Variants in INPP5A observed in about 807,000 individuals in gnomAD.
The protein encoded by INPP5A is 43 kDa inositol polyphosphate 5-phophatase.
Under a neutral mutation model 65.2 loss-of-function variants are expected in INPP5A, and 14 were observed. The observed-to-expected ratio is 0.21, with a 90% CI of 0.14 to 0.34. INPP5A has a LOEUF of 0.34. Ranked by LOEUF, INPP5A falls within the 10% of genes least tolerant of loss-of-function variation. The probability of loss-of-function intolerance (pLI) is 1.00; values close to 1 mark genes in which losing one functional copy is unlikely to be tolerated. For synonymous variants in INPP5A, 207 were observed against 208.3 expected (o/e 0.99, Z 0.05); for missense variants, 431 against 545.6 (o/e 0.79, Z 2.09).
chr10:132,540,242 G>A (rs796871131), intron 1 of INPP5A, among the ~76,000 whole-genome samples: 6 of 152,284 alleles, frequency 3.9e-5, no homozygotes, highest in African/African-American at 1.4e-4. Flanking sequence ...CTGAGTTCTA[G>A]CATTTTTGTT....
Position 132,744,797 on chromosome 10 carries a change from T to C in INPP5A, c.733-4720T>C, listed in dbSNP as rs1846339359. On this transcript the variant is annotated intron_variant, in intron 9 of 15. Transcript: ENST00000368594. ...TCCCAGGCTTCATGAGGCCGGGCTGTCCCTGAGCCTGAGGCGACCTGCAGG... is the reference window on the plus strand; with the variant it reads ...TCCCAGGCTTCATGAGGCCGGGCTGCCCCTGAGCCTGAGGCGACCTGCAGG... Among the ~76,000 whole-genome samples, 3 of 152,220 alleles carry C rather than the reference T, an allele frequency of 2.0e-5. No individual in the cohort carries two copies. The South Asian group carries it at 6.2e-4, about 31-fold the overall frequency.
chr10:132,664,175 G>A (rs1046639675), intron 4 of INPP5A, among the ~76,000 whole-genome samples: 1 of 152,214 alleles, frequency 6.6e-6, no homozygotes. Flanking sequence ...CCGGAGCCCC[G>A]TGAGCTGCTC....
At chr10:132,716,462 G>A (rs1037827920) in intron 8 of INPP5A, among the ~76,000 whole-genome samples, 2 of 152,218 alleles carry the variant, frequency 1.3e-5, no homozygotes, top group African/African-American at 2.4e-5. Flanking sequence ...GGAGTCTGCC[G>A]GACGTCTCCA....
intron 2 of INPP5A, among the ~76,000 whole-genome samples, chr10:132,626,801 T>G (rs1193309260): frequency 3.9e-5 from 6 of 152,206 alleles, no homozygotes; most frequent in African/African-American, 1.4e-4. Flanking sequence ...GTGGCGACTG[T>G]GGGAGGCCCC....
chr10:132,774,882 GGC>G (rs1210782720), intron 12 of INPP5A, among the ~76,000 whole-genome samples: 1 of 59,250 alleles, frequency 1.7e-5, no homozygotes, highest in African/African-American at 5.5e-5. Flanking sequence ...AGGGAGGAGA[GGC>G]AGGGAGGAGG....
intron 12 of INPP5A, among the ~76,000 whole-genome samples, chr10:132,771,210 G>A (rs956981245): frequency 2.6e-5 from 4 of 152,122 alleles, no homozygotes; most frequent in African/African-American, 2.4e-5. Context: ...CATCCCTCTG[G>A]GCAGAGGACT....
At position 132,575,474 on chromosome 10, in the gene INPP5A, T is replaced by C. The variant is rs560130141; in HGVS notation, c.76-32441T>C. On this transcript the variant is annotated intron_variant, in intron 1 of 15. Coordinates refer to ENST00000368594, the MANE Select transcript of INPP5A (RefSeq NM_005539.5). This position sits in a 1 kb window ranked among gnomAD's most constrained non-coding sequence, Gnocchi z 5.4. ...TCACTGTCAGTCTGGTTAAACATCA[T>C]AAAATTAGTAACCAAACCGATCTAA... 3.4e-4 allele frequency among the ~76,000 whole-genome samples: 51 copies of C among 152,210 alleles called. No homozygotes were observed. The highest frequency in any genetic ancestry group is 1.1e-3 in the African/African-American group (45 of 41,526).
rs1846527532 is a variant in INPP5A at position 132,753,140 on chromosome 10, A to C, written c.903+3295A>C. ...ACGACGGCACCTTCGGGAACGCCCC[A>C]TGGGTTCCTGCTGACCCGGGTGCCC... On this transcript the variant is annotated intron_variant, in intron 11 of 15. Transcript: ENST00000368594. The surrounding 1 kb of genome is among the most constrained non-coding windows in gnomAD (Gnocchi z 5.3). Among the ~76,000 whole-genome samples, 1 of 152,104 alleles carries C rather than the reference A, an allele frequency of 6.6e-6. No individual in the cohort carries two copies. The highest frequency in any genetic ancestry group is 1.5e-5 in the Non-Finnish European group (1 of 68,014).
Position 132,753,947 on chromosome 10 carries a change from G to C in INPP5A, c.903+4102G>C, listed in dbSNP as rs763997487. 2 of 152,244 alleles carry C rather than the reference G, an allele frequency of 1.3e-5. No homozygotes were observed. The highest frequency in any genetic ancestry group is 2.9e-5 in the Non-Finnish European group (2 of 68,044). The allele number at this position is 152,244 out of a possible 1,614,324, so 9.4% of individuals were successfully genotyped here. A position where few individuals can be genotyped will look rare whatever the true frequency, so the allele number is the denominator to read the frequency against. On this transcript the variant is annotated intron_variant, in intron 11 of 15. Transcript: ENST00000368594. This position sits in a 1 kb window ranked among gnomAD's most constrained non-coding sequence, Gnocchi z 5.3. ...GTGATCATGTTTGTGAAAAATCTCA[G>C]AGAGATACAAATTATCAATTCAACA...
intron 2 of INPP5A, among the ~76,000 whole-genome samples, chr10:132,612,313 A>C (rs1047679004): frequency 2.0e-5 from 3 of 152,116 alleles, no homozygotes; most frequent in Non-Finnish European, 4.4e-5. Context: ...TTCATGGGAC[A>C]GCTCCTGTCA....
At chr10:132,723,389 A>G (rs1415170778) in intron 8 of INPP5A, among the ~76,000 whole-genome samples, 3 of 152,152 alleles carry the variant, frequency 2.0e-5, no homozygotes, top group African/African-American at 4.8e-5. Flanking sequence ...TGTTTAGCCA[A>G]CTGACGGCCG....
chr10:132,719,928 A>G (rs529402654), intron 8 of INPP5A, among the ~76,000 whole-genome samples: 2 of 147,018 alleles, frequency 1.4e-5, no homozygotes, highest in South Asian at 4.3e-4. Context: ...TGGGCACCTT[A>G]GACGGCTGTC....
At chr10:132,680,961 G>A (rs554010311) in intron 4 of INPP5A, among the ~76,000 whole-genome samples, 104 of 152,318 alleles carry the variant, frequency 6.8e-4, no homozygotes, top group African/African-American at 2.5e-3. Flanking sequence ...CTGTGCGGCC[G>A]GAGCCTCCCC....
rs1383346679 is a variant in INPP5A at position 132,547,900 on chromosome 10, CT to C, written c.75+9735del. On this transcript the variant is annotated intron_variant, in intron 1 of 15. Coordinates refer to ENST00000368594, the MANE Select transcript of INPP5A (RefSeq NM_005539.5). This position sits in a 1 kb window ranked among gnomAD's most constrained non-coding sequence, Gnocchi z 5.5. Reference sequence around the variant, plus strand: ...GCGTCTGGGGTGGGGACCATGGTGTCTTTTTTAATTTTTTTTTTTTTAAGAT... The same window carrying C: ...GCGTCTGGGGTGGGGACCATGGTGTCTTTTTAATTTTTTTTTTTTTAAGAT... Among the ~76,000 whole-genome samples the C allele has an allele frequency of 5.9e-5, 9 of 151,410 alleles. No homozygotes were observed. Among genetic ancestry groups the C allele is most frequent in the Admixed American group, 2.6e-4 (4 of 15,220 alleles).
At chr10:132,588,613 C>G (rs1342209015) in intron 1 of INPP5A, among the ~76,000 whole-genome samples, 1 of 152,258 alleles carries the variant, frequency 6.6e-6, no homozygotes, top group African/African-American at 2.4e-5. Context: ...CAGCACAGCG[C>G]CCACCCTGTG....
intron 1 of INPP5A, among the ~76,000 whole-genome samples, chr10:132,542,438 G>T (rs1024947824): frequency 1.4e-4 from 19 of 136,650 alleles, no homozygotes; most frequent in Non-Finnish European, 2.7e-4. Flanking sequence ...TCTCTCTCTG[G>T]TAGCATCAGC....
At chr10:132,749,897 C>T (rs768179377) in intron 11 of INPP5A, 52 bp downstream of exon 11, 10 of 1,457,982 alleles carry the variant, frequency 6.9e-6, no homozygotes, top group Middle Eastern at 1.7e-4. Context: ...CATCCACGCC[C>T]CCAGGCCTTC....
chr10:132,620,084 C>T (rs2072090578), intron 2 of INPP5A, among the ~76,000 whole-genome samples: 1 of 152,182 alleles, frequency 6.6e-6, no homozygotes. Context: ...GGAGCACTGA[C>T]CTGAAGCTGC....
chr10:132,608,198 T>C (rs1053201847), intron 2 of INPP5A, among the ~76,000 whole-genome samples: 1 of 152,150 alleles, frequency 6.6e-6, no homozygotes. Flanking sequence ...ACATTCCGGC[T>C]CCCTCCCCGC....
Sources: allele counts gnomAD v4.1 joint callset (sites outside exome capture counted in the v4.1 genomes callset), GRCh38; gene constraint gnomAD v4.1.1; non-coding constraint Gnocchi (gnomAD v3.1); transcripts MANE v1.5; gene names NCBI Gene and HGNC (gene_info 2026-07-23, HGNC 2026-07-21).